Variants in GPR55 observed in about 807,000 individuals in gnomAD.
The protein encoded by GPR55 is G-protein coupled receptor 55.
In GPR55, 6 loss-of-function variants were observed where a neutral mutation model predicts 7.9. The observed-to-expected ratio is 0.76, with a 90% CI of 0.41 to 1.49. GPR55 has a LOEUF of 1.49. GPR55 is among the 40% of genes most tolerant of loss of function. GPR55 has a pLI of 0.01. For synonymous variants in GPR55, 183 were observed against 166.8 expected, an observed-to-expected ratio of 1.10 and a Z score of -0.75; for missense variants, 376 against 406.0, an observed-to-expected ratio of 0.93 and a Z score of 0.63.
chr2:230,916,526 A>G, intron 1 of GPR55, among the ~76,000 whole-genome samples: 1 of 150,678 alleles, frequency 6.6e-6, no homozygotes, highest in African/African-American at 2.5e-5. Flanking sequence ...CCTCTCTCTA[A>G]GAAAAAAAAA....
Position 230,923,824 on chromosome 2 carries a change from C to T in GPR55, c.-135+1344G>A, listed in dbSNP as rs1690892551. 1.3e-5 allele frequency among the ~76,000 whole-genome samples: 2 copies of T among 151,958 alleles called. No individual in the cohort carries two copies. The highest frequency in any genetic ancestry group is 4.8e-5 in the African/African-American group (2 of 41,260). ...ACCAGCTGGAACTCATGTTCTGAGTCTCTCCTCCTCGCTCACCCTGGCCCC... is the reference window on the plus strand; with the variant it reads ...ACCAGCTGGAACTCATGTTCTGAGTTTCTCCTCCTCGCTCACCCTGGCCCC... On this transcript the variant is annotated intron_variant, in intron 1 of 1. Transcript: ENST00000650999. This position sits in a 1 kb window ranked among gnomAD's most constrained non-coding sequence, Gnocchi z 4.1.
chr2:230,916,550 G>T (rs1690721984), intron 1 of GPR55, among the ~76,000 whole-genome samples: 1 of 152,046 alleles, frequency 6.6e-6, no homozygotes, highest in East Asian at 1.9e-4. Context: ...GAGATAATCT[G>T]TGTCCCTAGA....
Position 230,910,705 on chromosome 2 carries a change from T to A in GPR55, c.258A>T (p.Val86=). The A allele has an allele frequency of 6.2e-7, 1 of 1,613,908 alleles. No individual in the cohort carries two copies. Among genetic ancestry groups the A allele is most frequent in the Non-Finnish European group, 8.5e-7 (1 of 1,179,824 alleles). Residue 86 remains valine (V), a synonymous_variant, in exon 2 of 2, where the codon GTA becomes GTT. Transcript: ENST00000650999. The surrounding 1 kb of genome is among the most constrained non-coding windows in gnomAD (Gnocchi z 5.4). ...SLPFKMVLSQ[V]QSPFPSLCTL... ...TGCACAGGGACGGGAAGGGGGACTG[T>A]ACCTGGGACAGGACCATCTTGAATG...
chr2:230,949,156 T>C (rs926948426), intron 1 of GPR55, among the ~76,000 whole-genome samples: 5 of 151,758 alleles, frequency 3.3e-5, no homozygotes, highest in Admixed American at 2.0e-4. Context: ...GCTCTTTTTT[T>C]GTTTGTTTGT....
At chr2:230,930,364 G>A (rs945370921) in intron 1 of GPR55, among the ~76,000 whole-genome samples, 4 of 151,656 alleles carry the variant, frequency 2.6e-5, no homozygotes, top group African/African-American at 9.7e-5. Context: ...TTCTTCTTAC[G>A]TGTTGAGTCT....
intron 1 of GPR55, among the ~76,000 whole-genome samples, chr2:230,943,232 A>G (rs1691261719): frequency 1.3e-5 from 2 of 152,282 alleles, no homozygotes; most frequent in South Asian, 2.1e-4. Context: ...GTCAAGGCCC[A>G]TCTACATCCG....
At chr2:230,940,665 C>G (rs78292214) in intron 1 of GPR55, among the ~76,000 whole-genome samples, 3,711 of 152,298 alleles carry the variant, frequency 0.024, 140 homozygotes, top group African/African-American at 0.085. Context: ...TCCCTGGGGG[C>G]CCATGCTGCT....
intron 1 of GPR55, among the ~76,000 whole-genome samples, chr2:230,953,745 A>G (rs1691439019): frequency 6.6e-6 from 1 of 152,368 alleles, no homozygotes; most frequent in Non-Finnish European, 1.5e-5. Context: ...TCAGCTGATT[A>G]TAAGGAGGGC....
intron 1 of GPR55, among the ~76,000 whole-genome samples, chr2:230,913,494 T>C (rs916736185): frequency 2.0e-5 from 3 of 152,228 alleles, no homozygotes; most frequent in African/African-American, 7.2e-5. Flanking sequence ...TTCCAAAGAT[T>C]CTATGGTTTC....
chr2:230,955,995 G>T (rs764418821), intron 1 of GPR55, among the ~76,000 whole-genome samples: 3 of 152,120 alleles, frequency 2.0e-5, no homozygotes, highest in Non-Finnish European at 4.4e-5. Flanking sequence ...CCAAAGTGCT[G>T]AGATTATAGG....
chr2:230,937,034 A>G (rs1175133199), intron 1 of GPR55, among the ~76,000 whole-genome samples: 2 of 152,196 alleles, frequency 1.3e-5, no homozygotes, highest in Non-Finnish European at 2.9e-5. Flanking sequence ...AATAAACTTT[A>G]AAACACAATA....
chr2:230,940,659 T>A (rs1003740702), intron 1 of GPR55, among the ~76,000 whole-genome samples: 1 of 152,174 alleles, frequency 6.6e-6, no homozygotes, highest in East Asian at 1.9e-4. Context: ...CCTGCCTCCC[T>A]GGGGGCCCAT....
chr2:230,932,103 T>C (rs1691058124), intron 1 of GPR55, among the ~76,000 whole-genome samples: 1 of 152,164 alleles, frequency 6.6e-6, no homozygotes, highest in Non-Finnish European at 1.5e-5. Flanking sequence ...TCCAGCTCCT[T>C]GTCCTACAAA....
Position 230,933,079 on chromosome 2 carries a change from C to T in GPR55, c.-134-21983G>A, listed in dbSNP as rs548546947. ...AGCCCACTCCTTTCCCTGCCCCTTCCTGCCTCTTCCCCCTTCCCTGCTACC... is the reference window on the plus strand; with the variant it reads ...AGCCCACTCCTTTCCCTGCCCCTTCTTGCCTCTTCCCCCTTCCCTGCTACC... On this transcript the variant is annotated intron_variant, in intron 1 of 1. Transcript: ENST00000392039. 5.0e-4 allele frequency among the ~76,000 whole-genome samples: 76 copies of T among 152,278 alleles called. 1 individual carries two copies. The highest frequency in any genetic ancestry group is 1.7e-3 in the African/African-American group (72 of 41,562).
intron 1 of GPR55, among the ~76,000 whole-genome samples, chr2:230,939,448 G>T (rs966688592): frequency 3.3e-5 from 5 of 152,344 alleles, no homozygotes; most frequent in African/African-American, 1.2e-4. Flanking sequence ...GGTGACAGTG[G>T]TCTGGGGGTG....
intron 1 of GPR55, among the ~76,000 whole-genome samples, chr2:230,956,073 A>G (rs985435126): frequency 6.6e-6 from 1 of 152,088 alleles, no homozygotes; most frequent in Non-Finnish European, 1.5e-5. Context: ...CCTTAGGAGA[A>G]TCCCAATAGC....
chr2:230,916,268 T>C (rs1449724217), intron 1 of GPR55, among the ~76,000 whole-genome samples: 2 of 152,128 alleles, frequency 1.3e-5, no homozygotes, highest in East Asian at 3.9e-4. Flanking sequence ...GTGCCTGTAG[T>C]CCCCAACTAT....
At chr2:230,941,630 C>CA (rs1691235336) in intron 1 of GPR55, among the ~76,000 whole-genome samples, 1 of 152,104 alleles carries the variant, frequency 6.6e-6, no homozygotes, top group Non-Finnish European at 1.5e-5. Context: ...AGCTCAGGGA[C>CA]AAATGAGGTC....
intron 1 of GPR55, among the ~76,000 whole-genome samples, chr2:230,939,066 C>T (rs569139081): frequency 2.6e-5 from 4 of 152,314 alleles, no homozygotes; most frequent in South Asian, 2.1e-4. Flanking sequence ...CTGAAGAGGC[C>T]GACTAGCCAA....
Sources: allele counts gnomAD v4.1 joint callset (sites outside exome capture counted in the v4.1 genomes callset), GRCh38; gene constraint gnomAD v4.1.1; non-coding constraint Gnocchi (gnomAD v3.1); transcripts MANE v1.5; gene names NCBI Gene and HGNC (gene_info 2026-07-23, HGNC 2026-07-21).